Variants in CLDN16 observed in about 807,000 individuals in gnomAD.
CLDN16 encodes claudin-16.
In CLDN16, 13 loss-of-function variants were observed where a neutral mutation model predicts 24.6. The ratio of observed to expected loss-of-function variants is 0.53; its 90% CI spans 0.34 to 0.84. The LOEUF (loss-of-function observed/expected upper bound fraction) is 0.84. Among genes scored for constraint, CLDN16 ranks in the 40% least tolerant of loss-of-function variants. CLDN16 has a pLI of 0.01. For missense variants in CLDN16, 298 were observed against 292.7 expected (o/e 1.02, Z -0.13); for synonymous variants, 116 against 106.7 (o/e 1.09, Z -0.54).
In CLDN16 at chr3:190,411,486, A is replaced by G. The variant is rs1480667202; in HGVS notation, c.*1450A>G. On this transcript the variant is annotated 3_prime_UTR_variant, in exon 5 of 5. Coordinates refer to ENST00000264734, the MANE Select transcript of CLDN16 (RefSeq NM_006580.4). ...TCACATTAATAACATTAGTACCTTT[A>G]TGGTACCCTTGCAGTACCTGAAAAG... The G allele has an allele frequency of 6.6e-6, 1 of 152,136 alleles. No individual in the cohort carries two copies. The highest frequency in any genetic ancestry group is 1.5e-5 in the Non-Finnish European group (1 of 68,008). 9.4% of individuals were successfully genotyped at this position (152,136 alleles called of 1,614,324 possible).
chr3:190,395,604 G>A (rs921731406), intron 1 of CLDN16, among the ~76,000 whole-genome samples: 5 of 151,966 alleles, frequency 3.3e-5, no homozygotes, highest in Non-Finnish European at 7.4e-5. Flanking sequence ...ATAAATATAA[G>A]TAAGTACTAA....
At chr3:190,297,010 C>T in the CLDN16 span, among the ~76,000 whole-genome samples, 1 of 151,970 alleles carries the variant, frequency 6.6e-6, no homozygotes, top group Non-Finnish European at 1.5e-5. Flanking sequence ...AACAAAGTAG[C>T]CCTGAGCCAC....
At chr3:190,370,375 A>G (rs1718113234) in intron 1 of CLDN16, among the ~76,000 whole-genome samples, 1 of 151,998 alleles carries the variant, frequency 6.6e-6, no homozygotes, top group South Asian at 2.1e-4. Flanking sequence ...GAGCATACTC[A>G]TTAACTTAAA....
chr3:190,387,720 C>T (rs1718540027), upstream of CLDN16, among the ~76,000 whole-genome samples: 1 of 152,190 alleles, frequency 6.6e-6, no homozygotes, highest in African/African-American at 2.4e-5. Flanking sequence ...ACAAGTCCTT[C>T]ATGGGGCTGT....
At chr3:190,292,464 A>T in the CLDN16 span, among the ~76,000 whole-genome samples, 3 of 152,154 alleles carry the variant, frequency 2.0e-5, no homozygotes, top group African/African-American at 7.2e-5. Flanking sequence ...TGGGCCTATG[A>T]TGGAAAGGGC....
intron 1 of CLDN16, among the ~76,000 whole-genome samples, chr3:190,388,931 A>G (rs903792349): frequency 2.6e-5 from 4 of 152,248 alleles, no homozygotes; most frequent in Admixed American, 6.5e-5. Context: ...ATTAACATGC[A>G]AGAGGAAAAA....
chr3:190,367,473 G>A (rs1325699230), intron 1 of CLDN16, among the ~76,000 whole-genome samples: 1 of 151,784 alleles, frequency 6.6e-6, no homozygotes, highest in African/African-American at 2.4e-5. Flanking sequence ...TTTCTTCAGC[G>A]GGAAAATTCA....
At chr3:190,361,126 T>A (rs1717879295) in intron 1 of CLDN16, among the ~76,000 whole-genome samples, 1 of 152,050 alleles carries the variant, frequency 6.6e-6, no homozygotes, top group Non-Finnish European at 1.5e-5. Flanking sequence ...AACACTTCAA[T>A]GTAATAATAT....
At chr3:190,351,238 G>A (rs1366075978) in intron 1 of CLDN16, among the ~76,000 whole-genome samples, 1 of 152,002 alleles carries the variant, frequency 6.6e-6, no homozygotes, top group Non-Finnish European at 1.5e-5. Context: ...TTCTGGACAG[G>A]CTGCAGAACC....
intron 1 of CLDN16, among the ~76,000 whole-genome samples, chr3:190,340,184 A>C (rs911849361): frequency 6.6e-6 from 1 of 152,220 alleles, no homozygotes; most frequent in East Asian, 1.9e-4. Flanking sequence ...AGGGCTATTT[A>C]TGGAAAACCC....
chr3:190,320,400 A>G (rs1289706816), upstream of CLDN16, among the ~76,000 whole-genome samples: 2 of 152,202 alleles, frequency 1.3e-5, no homozygotes, highest in African/African-American at 4.8e-5. Context: ...AAATATATTT[A>G]TCTTTCCATG....
intron 1 of CLDN16, among the ~76,000 whole-genome samples, chr3:190,400,916 A>G (rs1254733499): frequency 6.6e-6 from 1 of 152,188 alleles, no homozygotes; most frequent in African/African-American, 2.4e-5. Context: ...TTTGAGTCCT[A>G]TCTCCTCCAT....
intron 3 of CLDN16, among the ~76,000 whole-genome samples, chr3:190,381,005 G>A (rs993752742): frequency 1.3e-5 from 2 of 152,084 alleles, no homozygotes; most frequent in African/African-American, 4.8e-5. Context: ...TGCACCCTAA[G>A]GAATACTAAG....
chr3:190,367,125 A>G (rs1199961562), intron 1 of CLDN16, among the ~76,000 whole-genome samples: 1 of 151,964 alleles, frequency 6.6e-6, no homozygotes, highest in Non-Finnish European at 1.5e-5. Flanking sequence ...CCCTTTGATT[A>G]GAGACACTCA....
chr3:190,395,327 G>A (rs140283087), intron 1 of CLDN16, among the ~76,000 whole-genome samples: 85 of 151,910 alleles, frequency 5.6e-4, no homozygotes, highest in African/African-American at 1.9e-3. Flanking sequence ...TTTTTCTTTC[G>A]TATCTTATAA....
At chr3:190,355,898 T>C (rs1015347803) in intron 1 of CLDN16, among the ~76,000 whole-genome samples, 27 of 149,022 alleles carry the variant, frequency 1.8e-4, no homozygotes, top group Admixed American at 4.7e-4. Flanking sequence ...TGTTGGTTGG[T>C]TCTTTTATTT....
intron 1 of CLDN16, among the ~76,000 whole-genome samples, chr3:190,325,854 G>T (rs1384151396): frequency 2.6e-5 from 4 of 152,180 alleles, no homozygotes; most frequent in Admixed American, 2.0e-4. Context: ...GCAATCTGCT[G>T]TGTAATTATT....
At position 190,380,194 on chromosome 3, in the gene CLDN16, C is replaced by G. The variant is rs1426250937; in HGVS notation, n.306+5591C>G. Among the ~76,000 whole-genome samples, 40 of 50,200 alleles carry G rather than the reference C, an allele frequency of 8.0e-4. 7 individuals carry two copies. Among genetic ancestry groups the G allele is most frequent in the Non-Finnish European group, 1.0e-3 (27 of 26,816 alleles). 32.9% of individuals were successfully genotyped at this position (50,200 alleles called of 152,430 possible). A position where few individuals can be genotyped will look rare whatever the true frequency, so the allele number is the denominator to read the frequency against. On this transcript the variant is annotated intron_variant and non_coding_transcript_variant, in intron 3 of 4. Transcript: ENST00000468220. ...CCTCCCTTCCTTCCTTTTCTTCCTT[C>G]CCTCCCTTCCTTCCTTCCTCCCTTC...
At chr3:190,347,499 T>C (rs1427516303) in intron 1 of CLDN16, among the ~76,000 whole-genome samples, 1 of 152,182 alleles carries the variant, frequency 6.6e-6, no homozygotes, top group East Asian at 1.9e-4. Flanking sequence ...ATCAGAAAAT[T>C]GTAGCATTCA....
Sources: gnomAD v4.1 joint callset for allele counts (sites outside exome capture counted in the v4.1 genomes callset) on GRCh38, gnomAD v4.1.1 for gene constraint, MANE v1.5 for transcripts, NCBI Gene and HGNC (gene_info 2026-07-23, HGNC 2026-07-21) for gene names.